Variants in SETX observed in about 807,000 individuals in gnomAD.
SETX encodes the protein senataxin.
SETX carries 90 observed loss-of-function variants against 227.2 expected under a neutral mutation model. That is an observed-to-expected ratio of 0.40 (90% CI 0.33 to 0.47). The LOEUF is 0.47. Ranked by LOEUF, SETX falls within the 20% of genes least tolerant of loss-of-function variation. The pLI, the probability that SETX is intolerant of heterozygous loss-of-function variation, is 0.91. For missense variants in SETX, 3,052 were observed against 3,181.5 expected, an observed-to-expected ratio of 0.96 and a Z score of 0.98; for synonymous variants, 1,210 against 1,113.2, an observed-to-expected ratio of 1.09 and a Z score of -1.73.
intron 11 of SETX, among the ~76,000 whole-genome samples, chr9:132,305,873 A>T (rs1319207464): frequency 6.6e-6 from 1 of 152,106 alleles, no homozygotes; most frequent in East Asian, 1.9e-4. Flanking sequence ...AATAAGGTCT[A>T]ATTAGCTCTT....
Position 132,286,464 on chromosome 9 carries a change from C to G in SETX, c.6355G>C (p.Val2119Leu), listed in dbSNP as rs1264446335. The stretch of plus-strand genomic sequence containing the variant: ...GCAAGTTCCTGCCTTTCCTTAGAAA[C>G]TTTGGAAATGTTTTCATCTAATTCT... ...RQELDENISK[V>L]SKERQELASK... is the part of the protein sequence containing the mutation. Residue 2119 changes from valine (V) to leucine (L), a missense_variant, in exon 18 of 26, where the codon GTT (valine) becomes CTT (leucine). This residue lies in a region of SETX where 412 missense variants were observed against 589.0 expected (regional missense o/e 0.70). Coordinates refer to ENST00000224140, the MANE Select transcript of SETX (RefSeq NM_015046.7). 13 of 1,613,326 alleles carry G rather than the reference C, an allele frequency of 8.1e-6. No homozygotes were observed. In the South Asian group the frequency reaches 1.3e-4, roughly 16 times the overall value.
chr9:132,319,729 C>T (rs1006839385), intron 10 of SETX, among the ~76,000 whole-genome samples: 2 of 152,196 alleles, frequency 1.3e-5, no homozygotes, highest in Non-Finnish European at 2.9e-5. Flanking sequence ...GAACTGATTA[C>T]AATCTGAAAT....
Position 132,275,369 on chromosome 9 carries a change from A to G in SETX, c.6987T>C (p.Leu2329=). 1 of 1,608,568 alleles carries G rather than the reference A, an allele frequency of 6.2e-7. No homozygotes were observed. The highest frequency in any genetic ancestry group is 8.5e-7 in the Non-Finnish European group (1 of 1,175,178). The change falls in exon 23 of 26, where the codon CTT becomes CTC. Residue 2329 remains leucine, a synonymous_variant. Coordinates refer to ENST00000224140, the MANE Select transcript of SETX (RefSeq NM_015046.7). The part of the protein sequence containing the change: ...EIKLVMEIIK[L]IKDKRKDVSF... ...TAACATCCTTTCTTTTGTCTTTAAT[A>G]AGCTTAATTATTTCCATCACCAGTT...
rs1842920984 is a variant in SETX at position 132,271,878 on chromosome 9, T to C, written c.7101-70A>G. On this transcript the variant is annotated intron_variant, in intron 23 of 25. Coordinates refer to ENST00000224140, the MANE Select transcript of SETX (RefSeq NM_015046.7). The stretch of plus-strand genomic sequence containing the variant: ...TTATTAAGTATACATATTTATAAAC[T>C]AGTTTTTTGGTTTTTTTTTTTTGAG... 2.2e-6 allele frequency: 3 copies of C among 1,392,976 alleles called. No homozygotes were observed. The Admixed American group carries it at 5.5e-5, about 25-fold the overall frequency. The allele number at this position is 1,392,976 out of a possible 1,614,324, so 86.3% of individuals were successfully genotyped here. A position where few individuals can be genotyped will look rare whatever the true frequency, so the allele number is the denominator to read the frequency against.
chr9:132,303,520 G>A (rs1029134607), intron 11 of SETX, among the ~76,000 whole-genome samples: 2 of 151,500 alleles, frequency 1.3e-5, no homozygotes, highest in African/African-American at 4.8e-5. Flanking sequence ...TTGATGGGAT[G>A]CCATCAAAAT....
rs1340697821 is a variant in SETX at position 132,262,955 on chromosome 9, CTG to C, written c.*1282_*1283del. On this transcript the variant is annotated 3_prime_UTR_variant, in exon 26 of 26. Coordinates refer to ENST00000224140, the MANE Select transcript of SETX (RefSeq NM_015046.7). The stretch of plus-strand genomic sequence containing the variant: ...GTTCACTGCGTGGATATTTGGAAAA[CTG>C]GACAAAATCAGGCAGCCCACCCCTC... 17 of 152,188 alleles carry C rather than the reference CTG, an allele frequency of 1.1e-4. No homozygotes were observed. The highest frequency in any genetic ancestry group is 1.1e-3 in the Admixed American group (17 of 15,278). 9.4% of individuals were successfully genotyped at this position (152,188 alleles called of 1,614,324 possible). A position where few individuals can be genotyped will look rare whatever the true frequency, so the allele number is the denominator to read the frequency against.
At position 132,264,742 on chromosome 9, in the gene SETX, T is replaced by C; in HGVS notation, c.7531A>G (p.Thr2511Ala). Reference protein sequence around the residue: ...KTSVAASLYHTPSDSKEITLT... With the variant: ...KTSVAASLYHAPSDSKEITLT... ...GTAATTTCCTTGGAGTCAGAGGGTG[T>C]GTGGTATAGAGAAGCAGCAACAGAT... is the stretch of plus-strand genomic sequence containing the variant. Residue 2511 changes from threonine to alanine, a missense_variant, in exon 26 of 26, where the codon ACA becomes GCA. Around this residue, in one of 10 missense-constraint regions of SETX, gnomAD observed 294 missense variants for 278.8 expected, o/e 1.05. Coordinates refer to ENST00000224140, the MANE Select transcript of SETX (RefSeq NM_015046.7). The C allele has an allele frequency of 6.2e-7, 1 of 1,614,188 alleles. No individual in the cohort carries two copies. The highest frequency in any genetic ancestry group is 8.5e-7 in the Non-Finnish European group (1 of 1,180,028).
At chr9:132,336,258 G>A (rs201350247) in intron 6 of SETX, 38 bp downstream of exon 6, 42 of 1,548,636 alleles carry the variant, frequency 2.7e-5, no homozygotes, top group Non-Finnish European at 3.6e-5. Context: ...AGAACTATAC[G>A]AAAATACCAA....
In SETX at chr9:132,281,374, A is replaced by G. The variant is rs1193080053; in HGVS notation, c.6654+93T>C. On this transcript the variant is annotated intron_variant, in intron 20 of 25. Transcript: ENST00000224140. ...TGCTTACTTTTCCCTCCAAATTAAG[A>G]GGCCAATCCAAGAAAGATGTCTCTC... The G allele has an allele frequency of 3.6e-6, 3 of 826,242 alleles. 1 individual carries two copies. The African/African-American group carries it at 5.1e-5, about 14-fold the overall frequency. The allele number at this position is 826,242 out of a possible 1,614,324, so 51.2% of individuals were successfully genotyped here.
intron 24 of SETX, 71 bp downstream of exon 24, chr9:132,271,638 GA>G: frequency 8.1e-7 from 1 of 1,229,798 alleles, no homozygotes; most frequent in Non-Finnish European, 1.2e-6. Flanking sequence ...CAGTGATAAT[GA>G]ACCTAATCCT....
At chr9:132,283,145 A>G in intron 19 of SETX, 119 bp downstream of exon 19, 6 of 1,245,784 alleles carry the variant, frequency 4.8e-6, no homozygotes, top group Non-Finnish European at 6.9e-6. Context: ...GGTAATAGCA[A>G]GTGAAAATCA....
intron 19 of SETX, among the ~76,000 whole-genome samples, chr9:132,281,961 G>GCAGTGAGCCGAGATCA (rs1843542851): frequency 6.8e-6 from 1 of 147,920 alleles, no homozygotes; most frequent in Non-Finnish European, 1.5e-5. Context: ...GGCAGAGGTT[G>GCAGTGAGCCGAGATCA]CAGTGAGCCG....
At chr9:132,347,465 A>G (rs523393) in intron 3 of SETX, among the ~76,000 whole-genome samples, 120,049 of 151,184 alleles carry the variant, frequency 0.79, 48,214 homozygotes, top group Non-Finnish European at 0.85. Context: ...GGCGCCCACC[A>G]CCACGCCTGG....
chr9:132,341,486 G>A (rs992009023), intron 5 of SETX, among the ~76,000 whole-genome samples: 19 of 152,070 alleles, frequency 1.2e-4, no homozygotes, highest in Admixed American at 2.6e-4. Context: ...AATTTGGGCT[G>A]CTTTCTATCC....
At chr9:132,297,524 G>A (rs1263286118) in intron 13 of SETX, among the ~76,000 whole-genome samples, 1 of 152,170 alleles carries the variant, frequency 6.6e-6, no homozygotes, top group Non-Finnish European at 1.5e-5. Context: ...GCACTTACAA[G>A]CTAGGCCACT....
At chr9:132,280,640 C>T (rs1843447122) in intron 20 of SETX, among the ~76,000 whole-genome samples, 2 of 152,186 alleles carry the variant, frequency 1.3e-5, no homozygotes. Context: ...TTCCAAGCTT[C>T]AACAAAAATG....
At chr9:132,316,284 A>G (rs954560067) in intron 10 of SETX, among the ~76,000 whole-genome samples, 1 of 152,180 alleles carries the variant, frequency 6.6e-6, no homozygotes, top group African/African-American at 2.4e-5. Flanking sequence ...TTTGTTGTCC[A>G]TCTTCTACTG....
rs3739919 is a variant in SETX at position 132,354,721 on chromosome 9, C to T, written c.-115+196G>A. Among the ~76,000 whole-genome samples the T allele has an allele frequency of 1.3e-3, 192 of 152,162 alleles. 5 individuals are homozygous for T. The East Asian group carries it at 0.033, about 26-fold the overall frequency. ...CCGGGTCCAGCGCGCAGGAAGGCAA[C>T]AGGCGGCCGCCAGCCGTCGAGGGGT... On this transcript the variant is annotated intron_variant, in intron 1 of 25. Coordinates refer to ENST00000224140, the MANE Select transcript of SETX (RefSeq NM_015046.7).
At chr9:132,331,577 T>A in intron 7 of SETX, 129 bp from the exon 8 acceptor site, 1 of 1,001,370 alleles carries the variant, frequency 1.0e-6, no homozygotes, top group Non-Finnish European at 1.5e-6. Context: ...GCAAATAATT[T>A]AAAGCAGTGC....
Sources: gnomAD v4.1 joint callset for allele counts (sites outside exome capture counted in the v4.1 genomes callset) on GRCh38, gnomAD v4.1.1 for gene constraint, gnomAD v4.1.1 regional missense constraint, MANE v1.5 for transcripts, NCBI Gene and HGNC (gene_info 2026-07-23, HGNC 2026-07-21) for gene names.